The following ATP2B1 variants were observed in gnomAD, a reference collection of about 807,000 sequenced individuals.
ATP2B1 encodes the protein plasma membrane calcium-transporting ATPase 1.
ATP2B1 carries 14 observed loss-of-function variants against 124.2 expected under a neutral mutation model. That is an observed-to-expected ratio of 0.11 (90% CI 0.07 to 0.18). The LOEUF (loss-of-function observed/expected upper bound fraction) is 0.18, where lower values mean the gene tolerates loss of function less well. Ranked by LOEUF, ATP2B1 falls within the 10% of genes least tolerant of loss-of-function variation. The pLI is 1.00. For missense variants in ATP2B1, 763 were observed against 1,466.1 expected, an observed-to-expected ratio of 0.52 and a Z score of 7.83; for synonymous variants, 449 against 492.4, an observed-to-expected ratio of 0.91 and a Z score of 1.17.
chr12:89,646,244 T>C (rs1349837563), intron 2 of ATP2B1, among the ~76,000 whole-genome samples: 2 of 152,056 alleles, frequency 1.3e-5, no homozygotes, highest in South Asian at 2.1e-4. Flanking sequence ...AAAACAAGTG[T>C]AGGTGTCTAG....
chr12:89,604,022 C>T, intron 16 of ATP2B1, 97 bp from the exon 17 acceptor site: 3 of 1,419,932 alleles, frequency 2.1e-6, no homozygotes, highest in South Asian at 2.7e-5. Context: ...AGAAACAGAA[C>T]AGGATTATAT....
At chr12:89,682,388 G>A (rs915209572) in intron 1 of ATP2B1, among the ~76,000 whole-genome samples, 2 of 152,054 alleles carry the variant, frequency 1.3e-5, no homozygotes, top group Admixed American at 6.5e-5. Context: ...AACGAAACAT[G>A]CAAAAATAGC....
At chr12:89,692,986 A>T (rs1890719079) in intron 1 of ATP2B1, among the ~76,000 whole-genome samples, 1 of 152,216 alleles carries the variant, frequency 6.6e-6, no homozygotes, top group South Asian at 2.1e-4. Flanking sequence ...CACACTGAGG[A>T]TGTACTGTAT....
chr12:89,685,517 A>T (rs1889862711), intron 1 of ATP2B1, among the ~76,000 whole-genome samples: 1 of 152,102 alleles, frequency 6.6e-6, no homozygotes, highest in Non-Finnish European at 1.5e-5. Context: ...GACTAGCAGT[A>T]TCAGCATCAC....
chr12:89,698,620 T>C (rs1298439850), intron 1 of ATP2B1, among the ~76,000 whole-genome samples: 1 of 152,194 alleles, frequency 6.6e-6, no homozygotes, highest in African/African-American at 2.4e-5. Context: ...GTTTATTCTA[T>C]GCCAATTATA....
intron 1 of ATP2B1, among the ~76,000 whole-genome samples, chr12:89,679,471 C>T (rs1889075686): frequency 6.6e-6 from 1 of 152,176 alleles, no homozygotes; most frequent in Non-Finnish European, 1.5e-5. Flanking sequence ...TCCTGTGGAA[C>T]TTCTGAGCCA....
chr12:89,651,163 C>T (rs1233530995), intron 2 of ATP2B1, among the ~76,000 whole-genome samples: 2 of 152,214 alleles, frequency 1.3e-5, no homozygotes. Flanking sequence ...GGTCAAAACA[C>T]TTCCTATTGA....
chr12:89,633,863 C>G (rs1459979332), intron 5 of ATP2B1, among the ~76,000 whole-genome samples: 2 of 152,058 alleles, frequency 1.3e-5, no homozygotes, highest in Non-Finnish European at 2.9e-5. Context: ...AGTATAAATT[C>G]AATCTGACAA....
intron 1 of ATP2B1, among the ~76,000 whole-genome samples, chr12:89,701,387 G>T (rs1472226289): frequency 6.6e-6 from 1 of 152,156 alleles, no homozygotes; most frequent in Non-Finnish European, 1.5e-5. Context: ...AAAGAACTGA[G>T]ATAAGATATA....
chr12:89,656,931 C>T (rs1236099710), intron 1 of ATP2B1, among the ~76,000 whole-genome samples: 2 of 152,182 alleles, frequency 1.3e-5, no homozygotes, highest in African/African-American at 4.8e-5. Flanking sequence ...GAACCTAGAA[C>T]TGTACCAGAC....
intron 5 of ATP2B1, among the ~76,000 whole-genome samples, chr12:89,632,285 A>G (rs548426465): frequency 5.3e-4 from 81 of 152,300 alleles, no homozygotes; most frequent in Non-Finnish European, 1.0e-3. Context: ...CTCATAAAAT[A>G]TATGTACTTA....
intron 1 of ATP2B1, among the ~76,000 whole-genome samples, chr12:89,663,924 G>A (rs1034715630): frequency 1.2e-4 from 18 of 152,146 alleles, no homozygotes; most frequent in Non-Finnish European, 2.1e-4. Context: ...TCAGTAGGGA[G>A]GGGCTGGATG....
Position 89,634,713 on chromosome 12 carries a change from T to C in ATP2B1, c.787+65A>G, listed in dbSNP as rs1019491541. On this transcript the variant is annotated intron_variant, in intron 5 of 20. Transcript: ENST00000428670. ...ATTATTGACTCTTAGGAAAATGGTG[T>C]TTGCTGACAATGGTACATAGTTGCG... 99 of 1,436,246 alleles carry C rather than the reference T, an allele frequency of 6.9e-5. No individual in the cohort carries two copies. The South Asian group carries it at 1.3e-3, about 18-fold the overall frequency. The allele number at this position is 1,436,246 out of a possible 1,614,324, so 89.0% of individuals were successfully genotyped here.
At chr12:89,704,402 C>T (rs78159907) in intron 1 of ATP2B1, among the ~76,000 whole-genome samples, 124 of 152,186 alleles carry the variant, frequency 8.1e-4, no homozygotes, top group African/African-American at 2.8e-3. Context: ...ATTTATAAAG[C>T]TCAACCCAAA....
chr12:89,595,312 T>G (rs1267626427), intron 20 of ATP2B1, among the ~76,000 whole-genome samples: 1 of 152,046 alleles, frequency 6.6e-6, no homozygotes, highest in Admixed American at 6.6e-5. Flanking sequence ...AAACCAAATT[T>G]TCTCTCAATT....
intron 2 of ATP2B1, among the ~76,000 whole-genome samples, chr12:89,651,816 G>A (rs768042018): frequency 2.6e-5 from 4 of 152,192 alleles, no homozygotes; most frequent in Non-Finnish European, 5.9e-5. Context: ...GAGCCAGAGT[G>A]AGACTCTGGG....
intron 5 of ATP2B1, among the ~76,000 whole-genome samples, chr12:89,631,814 C>CTTT (rs773593693): frequency 1.4e-5 from 2 of 144,608 alleles, no homozygotes; most frequent in Admixed American, 6.9e-5. Flanking sequence ...GGTTATACAA[C>CTTT]TTTTTTTTTT....
chr12:89,661,740 G>GT (rs764675253), intron 1 of ATP2B1, among the ~76,000 whole-genome samples: 3 of 152,100 alleles, frequency 2.0e-5, no homozygotes, highest in Non-Finnish European at 4.4e-5. Flanking sequence ...TTCATTGTGT[G>GT]TTTTTTTCTT....
At chr12:89,675,302 A>C (rs1888471996) in intron 1 of ATP2B1, among the ~76,000 whole-genome samples, 2 of 152,194 alleles carry the variant, frequency 1.3e-5, no homozygotes, top group Admixed American at 1.3e-4. Flanking sequence ...TATACTTTTC[A>C]TACATAATGC....
Sources: gnomAD v4.1 joint callset for allele counts (sites outside exome capture counted in the v4.1 genomes callset) on GRCh38, gnomAD v4.1.1 for gene constraint, MANE v1.5 for transcripts, NCBI Gene and HGNC (gene_info 2026-07-23, HGNC 2026-07-21) for gene names.